CAMK2B: variants seen among roughly 807,000 people sequenced by gnomAD.
The protein encoded by CAMK2B is calcium/calmodulin dependent protein kinase II beta.
CAMK2B carries 27 observed loss-of-function variants against 93.7 expected under a neutral mutation model. That is an observed-to-expected ratio of 0.29 (90% CI 0.21 to 0.40). CAMK2B has a LOEUF of 0.40. Among genes scored for constraint, CAMK2B ranks in the 10% least tolerant of loss-of-function variants. The pLI is 1.00. For synonymous variants in CAMK2B, 374 were observed against 358.8 expected (o/e 1.04, Z -0.48); for missense variants, 568 against 895.8 (o/e 0.63, Z 4.67).
intron 1 of CAMK2B, among the ~76,000 whole-genome samples, chr7:44,307,116 G>A (rs1313918450): frequency 2.3e-5 from 3 of 132,966 alleles, no homozygotes; most frequent in East Asian, 2.3e-4. Flanking sequence ...GTGAGCAGGA[G>A]GAGGGTGTGA....
chr7:44,282,412 G>A (rs1334431529), intron 2 of CAMK2B, among the ~76,000 whole-genome samples: 1 of 152,242 alleles, frequency 6.6e-6, no homozygotes, highest in African/African-American at 2.4e-5. Context: ...GTGGAGAATG[G>A]TTGGGAGCGC....
chr7:44,281,077 G>A (rs750017635), intron 2 of CAMK2B, among the ~76,000 whole-genome samples: 7 of 152,202 alleles, frequency 4.6e-5, no homozygotes, highest in South Asian at 2.1e-4. Context: ...GCCACAGAAC[G>A]TCAGGGAACA....
intron 2 of CAMK2B, among the ~76,000 whole-genome samples, chr7:44,272,240 C>A (rs2096981764): frequency 6.6e-6 from 1 of 152,180 alleles, no homozygotes. Context: ...GCAGGAATAA[C>A]CCCGGCCCAA....
At chr7:44,233,415 T>TC (rs937029592) in intron 15 of CAMK2B, among the ~76,000 whole-genome samples, 59 of 152,020 alleles carry the variant, frequency 3.9e-4, no homozygotes, top group Non-Finnish European at 6.9e-4. Context: ...TCTGAGCAGC[T>TC]CGCCCCTCCC....
At chr7:44,245,097 C>G (rs1584129068) in intron 6 of CAMK2B, 3 of 396,788 alleles carry the variant, frequency 7.6e-6, no homozygotes, top group South Asian at 1.8e-5. Context: ...GCATGTCCCC[C>G]CTCCCCAGAG....
At chr7:44,232,515 C>T (rs566235223) in intron 16 of CAMK2B, among the ~76,000 whole-genome samples, 30 of 152,282 alleles carry the variant, frequency 2.0e-4, no homozygotes, top group African/African-American at 7.2e-4. Context: ...GCAGGCCCTG[C>T]TCCAGACCTC....
Position 44,320,356 on chromosome 7 carries a change from G to A in CAMK2B, c.65+5001C>T, listed in dbSNP as rs547421912. Among the ~76,000 whole-genome samples, 3 of 152,262 alleles carry A rather than the reference G, an allele frequency of 2.0e-5. No homozygotes were observed. The South Asian group carries it at 6.2e-4, about 32-fold the overall frequency. On this transcript the variant is annotated intron_variant, in intron 1 of 23. Transcript: ENST00000395749. ...CAAGCTGGCCATGAGTCAGCCAGTG[G>A]AGTCACAGCATTTTTAAAGCACAGA...
intron 2 of CAMK2B, among the ~76,000 whole-genome samples, chr7:44,273,410 C>T (rs10238922): frequency 8.6e-5 from 13 of 151,972 alleles, no homozygotes; most frequent in African/African-American, 2.2e-4. Flanking sequence ...GCTCACAAAT[C>T]GGGTGAGTAG....
At chr7:44,230,765 C>T (rs2096571563) in intron 17 of CAMK2B, among the ~76,000 whole-genome samples, 1 of 152,210 alleles carries the variant, frequency 6.6e-6, no homozygotes, top group Admixed American at 6.5e-5. Context: ...GTGGCTTCCT[C>T]ACTTGGATGC....
chr7:44,317,942 G>A (rs1042701120), intron 1 of CAMK2B, among the ~76,000 whole-genome samples: 1 of 152,150 alleles, frequency 6.6e-6, no homozygotes, highest in Non-Finnish European at 1.5e-5. Context: ...TCACCTGGGA[G>A]CTTTTAAAAA....
At chr7:44,263,570 G>C (rs1478113895) in intron 2 of CAMK2B, among the ~76,000 whole-genome samples, 1 of 152,064 alleles carries the variant, frequency 6.6e-6, no homozygotes, top group Non-Finnish European at 1.5e-5. Context: ...TGAAGCAGGA[G>C]GTGGCCCCTC....
At chr7:44,249,937 C>T (rs993886558) in intron 5 of CAMK2B, among the ~76,000 whole-genome samples, 3 of 152,156 alleles carry the variant, frequency 2.0e-5, no homozygotes, top group Admixed American at 6.5e-5. Flanking sequence ...ATGCCAGAGA[C>T]GGGGACTATG....
At chr7:44,301,801 T>C (rs1180517301) in intron 1 of CAMK2B, among the ~76,000 whole-genome samples, 1 of 147,904 alleles carries the variant, frequency 6.8e-6, no homozygotes, top group African/African-American at 2.5e-5. Flanking sequence ...AAGAAGAAAA[T>C]AGAAATCTAA....
chr7:44,259,850 A>G (rs1306817301), intron 3 of CAMK2B, among the ~76,000 whole-genome samples: 2 of 152,210 alleles, frequency 1.3e-5, no homozygotes, highest in Non-Finnish European at 2.9e-5. Context: ...ACGACAGCCA[A>G]CACGCTAGGG....
chr7:44,280,774 A>G (rs1018214909), intron 2 of CAMK2B, among the ~76,000 whole-genome samples: 15 of 152,336 alleles, frequency 9.8e-5, no homozygotes, highest in Admixed American at 5.9e-4. Flanking sequence ...GATCCATCCC[A>G]CAGACACACC....
intron 1 of CAMK2B, among the ~76,000 whole-genome samples, chr7:44,301,892 A>T (rs1790153826): frequency 6.6e-6 from 1 of 151,870 alleles, no homozygotes; most frequent in African/African-American, 2.4e-5. Context: ...AAAAAAGAAT[A>T]AAAACTAGAG....
chr7:44,231,845 C>CAA (rs1459401944), intron 16 of CAMK2B, among the ~76,000 whole-genome samples: 1 of 152,216 alleles, frequency 6.6e-6, no homozygotes, highest in African/African-American at 2.4e-5. Flanking sequence ...CTCTGCTCCT[C>CAA]AGAGGAAACA....
chr7:44,225,998 T>C lies in CAMK2B; in HGVS notation c.1597+518A>G, dbSNP rs2096471703. On this transcript the variant is annotated intron_variant, in intron 20 of 23. Transcript: ENST00000395749. The surrounding 1 kb of genome is among the most constrained non-coding windows in gnomAD (Gnocchi z 5.0). The stretch of plus-strand genomic sequence containing the variant: ...AGCCTGTGCTTCCTGTCCCGCCCGC[T>C]CTGTTTCAGCCTGGCCCCAGCTGCC... The C allele has an allele frequency of 1.8e-6, 2 of 1,099,918 alleles. No individual in the cohort carries two copies. The highest frequency in any genetic ancestry group is 2.4e-6 in the Non-Finnish European group (2 of 839,972). 68.1% of individuals were successfully genotyped at this position (1,099,918 alleles called of 1,614,324 possible). A position where few individuals can be genotyped will look rare whatever the true frequency, so the allele number is the denominator to read the frequency against.
At chr7:44,274,483 GCCTCAAACCC>G (rs1161706708) in intron 2 of CAMK2B, among the ~76,000 whole-genome samples, 2 of 152,186 alleles carry the variant, frequency 1.3e-5, no homozygotes, top group Admixed American at 6.5e-5. Flanking sequence ...TCCCACCCAG[GCCTCAAACCC>G]GCACCTTTCG....
Sources: allele counts gnomAD v4.1 joint callset (sites outside exome capture counted in the v4.1 genomes callset), GRCh38; gene constraint gnomAD v4.1.1; non-coding constraint Gnocchi (gnomAD v3.1); transcripts MANE v1.5; gene names NCBI Gene and HGNC (gene_info 2026-07-23, HGNC 2026-07-21).